LILRB1: variants seen among roughly 807,000 people sequenced by gnomAD.
LILRB1 encodes the protein leukocyte immunoglobulin like receptor B1.
A neutral mutation model predicts 74.6 loss-of-function variants in LILRB1; 59 were observed. The ratio of observed to expected loss-of-function variants is 0.79; its 90% CI spans 0.64 to 0.98. The LOEUF (loss-of-function observed/expected upper bound fraction) is 0.98. LILRB1 is among the 50% of genes least tolerant of loss of function. The pLI is 0.00. For missense variants in LILRB1, 804 were observed against 822.6 expected (o/e 0.98, Z 0.28); for synonymous variants, 328 against 333.9 (o/e 0.98, Z 0.19).
At chr19:54,617,020 G>A (rs78294898), upstream of LILRB1, 12 of 152,304 alleles carry the variant, frequency 7.9e-5, no homozygotes, top group East Asian at 3.9e-4. Flanking sequence ...TAGACCTTCC[G>A]AGAGAGAAAC....
At chr19:54,627,183 G>A (rs186698093), upstream of LILRB1, among the ~76,000 whole-genome samples, 9 of 152,326 alleles carry the variant, frequency 5.9e-5, no homozygotes, top group East Asian at 1.7e-3. Context: ...TGGAACCCAA[G>A]CTGAGGTCTT....
rs183056459 is a variant in LILRB1, at chr19:54,635,746, G to T, written c.1653+137G>T. ...CTCCTTGTCCAGCACGCTGCCTCCCGCCTGCTGCGACCTCACTCTCTCCTG... is the reference window on the plus strand; with the variant it reads ...CTCCTTGTCCAGCACGCTGCCTCCCTCCTGCTGCGACCTCACTCTCTCCTG... On this transcript the variant is annotated intron_variant, in intron 13 of 14. Coordinates refer to ENST00000324602, the MANE Select transcript of LILRB1 (RefSeq NM_001081637.3). 1.7e-3 allele frequency: 1,784 copies of T among 1,045,354 alleles called. 18 individuals carry two copies. The African/African-American group carries it at 0.024, about 14-fold the overall frequency. 64.8% of individuals were successfully genotyped at this position (1,045,354 alleles called of 1,614,324 possible).
chr19:54,627,546 A>G (rs2063629223), upstream of LILRB1, among the ~76,000 whole-genome samples: 1 of 152,196 alleles, frequency 6.6e-6, no homozygotes, highest in Non-Finnish European at 1.5e-5. Flanking sequence ...GAGGTTTATC[A>G]CTAGATATTC....
chr19:54,636,243 C>T (rs2064405761), intron 13 of LILRB1: 1 of 711,020 alleles, frequency 1.4e-6, no homozygotes, highest in Non-Finnish European at 2.3e-6. Context: ...AACAACCCTG[C>T]AAAGGCCCCC....
chr19:54,630,962 C>T (rs751995694), intron 1 of LILRB1, 64 bp from the exon 2 acceptor site: 5 of 1,612,708 alleles, frequency 3.1e-6, no homozygotes, highest in African/African-American at 2.7e-5. Flanking sequence ...GATGACAGCA[C>T]CCCATGAGAA....
upstream of LILRB1, among the ~76,000 whole-genome samples, chr19:54,627,422 G>T (rs370016886): frequency 9.8e-4 from 150 of 152,300 alleles, 1 homozygote; most frequent in South Asian, 0.028. Context: ...GGCCAGGAAG[G>T]CCTGAAGGAG....
At chr19:54,630,226 C>A (rs1177822235), upstream of LILRB1, among the ~76,000 whole-genome samples, 1 of 24,888 alleles carries the variant, frequency 4.0e-5, no homozygotes, top group Non-Finnish European at 9.6e-5. Context: ...TAACTCCCCC[C>A]CAACTCCCCA....
chr19:54,633,262 G>A lies in LILRB1; in HGVS notation c.1205G>A (p.Ser402Asn), dbSNP rs774642699. ...AGTYRCYGSQ[S>N]SKPYLLTHPS... ...ACCTACAGGTGCTACGGCTCACAGA[G>A]CTCCAAACCCTACCTGCTGACTCAC... Residue 402 changes from serine to asparagine, a missense_variant, in exon 7 of 15, where the codon AGC (serine) becomes AAC (asparagine). Coordinates refer to ENST00000324602, the MANE Select transcript of LILRB1 (RefSeq NM_001081637.3). 18 of 1,614,100 alleles carry A rather than the reference G, an allele frequency of 1.1e-5. No individual in the cohort carries two copies. Among genetic ancestry groups the A allele is most frequent in the East Asian group, 4.5e-5 (2 of 44,864 alleles).
Position 54,637,881 on chromosome 19 carries a change from A to G in LILRB1, c.*1003A>G, listed in dbSNP as rs1374652634. 6.6e-6 allele frequency among the ~76,000 whole-genome samples: 1 copy of G among 152,242 alleles called. No individual in the cohort carries two copies. Among genetic ancestry groups the G allele is most frequent in the Non-Finnish European group, 1.5e-5 (1 of 68,044 alleles). On this transcript the variant is annotated 3_prime_UTR_variant, in exon 15 of 15. Transcript: ENST00000324602. Reference sequence around the variant, plus strand: ...ATACTAGAAATTGCAGATTAAATAGATGAAATATTCTAAACTGGAGTTTAC... The same window carrying G: ...ATACTAGAAATTGCAGATTAAATAGGTGAAATATTCTAAACTGGAGTTTAC...
intron 1 of LILRB1, among the ~76,000 whole-genome samples, chr19:54,619,571 T>C (rs1361717764): frequency 6.6e-6 from 1 of 152,166 alleles, no homozygotes; most frequent in African/African-American, 2.4e-5. Context: ...TTCAGCTTTT[T>C]CTCTTTTGAA....
rs77680604 is a variant in LILRB1 at position 54,636,537 on chromosome 19, A to C, written c.1697A>C (p.Glu566Ala). Residue 566 changes from glutamate to alanine, a missense_variant, in exon 14 of 15, where the codon GAG becomes GCG. Transcript: ENST00000324602. ...DEDPQAVTYA[E>A]VKHSRPRREM... is the part of the protein sequence containing the mutation. ...GACCCCCAGGCAGTGACGTATGCCG[A>C]GGTGAAACACTCCAGACCTAGGAGA... is the stretch of plus-strand genomic sequence containing the variant. 5.5e-4 allele frequency: 887 copies of C among 1,610,196 alleles called. 2 individuals carry two copies. In the East Asian group the frequency reaches 7.6e-3, roughly 14 times the overall value.
chr19:54,624,498 T>C (rs2555693), intron 1 of LILRB1, among the ~76,000 whole-genome samples: 10,432 of 149,610 alleles, frequency 0.07, 249 homozygotes, highest in Non-Finnish European at 0.1. Flanking sequence ...TTGTCTGACG[T>C]GGTAGCTGCT....
chr19:54,619,329 CT>C (rs531437191), intron 1 of LILRB1, among the ~76,000 whole-genome samples: 1 of 151,756 alleles, frequency 6.6e-6, no homozygotes, highest in South Asian at 2.1e-4. Context: ...CACAATAAGA[CT>C]TTTTTTAAAA....
intron 1 of LILRB1, among the ~76,000 whole-genome samples, chr19:54,617,600 G>C (rs1036371605): frequency 2.7e-5 from 4 of 150,306 alleles, no homozygotes; most frequent in African/African-American, 7.4e-5. Context: ...GTGTGTGTGT[G>C]TTTAAAAGCC....
chr19:54,619,897 A>T (rs1380397822), intron 1 of LILRB1, among the ~76,000 whole-genome samples: 1 of 151,592 alleles, frequency 6.6e-6, no homozygotes, highest in Admixed American at 6.6e-5. Flanking sequence ...AAATTAATTT[A>T]GTAAATTTAA....
At chr19:54,616,951 G>A (rs551605175), upstream of LILRB1, among the ~76,000 whole-genome samples, 1 of 152,284 alleles carries the variant, frequency 6.6e-6, no homozygotes, top group Admixed American at 6.5e-5. Flanking sequence ...AAAAAGGCTT[G>A]TCCAGGAAGC....
chr19:54,622,085 T>C (rs1380686238), intron 1 of LILRB1, among the ~76,000 whole-genome samples: 3 of 152,240 alleles, frequency 2.0e-5, no homozygotes, highest in East Asian at 1.9e-4. Flanking sequence ...TTAGTTACTA[T>C]GGCCTTATAG....
chr19:54,617,068 G>A (rs1209745785), upstream of LILRB1: 1 of 152,238 alleles, frequency 6.6e-6, no homozygotes, highest in Non-Finnish European at 1.5e-5. Flanking sequence ...TCAGTGGTGA[G>A]ACCCTGTGGA....
intron 13 of LILRB1, 152 bp downstream of exon 13, chr19:54,635,761 A>C: frequency 1.1e-6 from 1 of 926,902 alleles, no homozygotes; most frequent in Non-Finnish European, 1.8e-6. Context: ...CTGCGACCTC[A>C]CTCTCTCCTG....
Sources: gnomAD v4.1 joint callset for allele counts (sites outside exome capture counted in the v4.1 genomes callset) on GRCh38, gnomAD v4.1.1 for gene constraint, MANE v1.5 for transcripts, NCBI Gene and HGNC (gene_info 2026-07-23, HGNC 2026-07-21) for gene names.